Variants in SUZ12 observed in about 807,000 individuals in gnomAD.
SUZ12 encodes SUZ12 polycomb repressive complex 2 subunit.
A neutral mutation model predicts 87.3 loss-of-function variants in SUZ12; 17 were observed. The ratio of observed to expected loss-of-function variants is 0.19; its 90% CI spans 0.13 to 0.29. The LOEUF (loss-of-function observed/expected upper bound fraction) is 0.29, where lower values mean the gene tolerates loss of function less well. SUZ12 is among the 10% of genes least tolerant of loss of function. SUZ12 has a pLI of 1.00. For missense variants in SUZ12, 526 were observed against 912.2 expected, an observed-to-expected ratio of 0.58 and a Z score of 5.45; for synonymous variants, 253 against 312.4, an observed-to-expected ratio of 0.81 and a Z score of 2.01.
rs1206850998 is a variant in SUZ12 at position 31,999,050 on chromosome 17, G to T, written c.*47G>T. On this transcript the variant is annotated 3_prime_UTR_variant, in exon 16 of 16. Transcript: ENST00000322652. Reference sequence around the variant, plus strand: ...GGACAAACACTGAAATTACATTTTAGGGAATTCATCCTCTAAGAATTATGT... The same window carrying T: ...GGACAAACACTGAAATTACATTTTATGGAATTCATCCTCTAAGAATTATGT... 7.0e-7 allele frequency: 1 copy of T among 1,424,684 alleles called. No individual in the cohort carries two copies. Among genetic ancestry groups the T allele is most frequent in the South Asian group, 1.5e-5 (1 of 64,886 alleles). The allele number at this position is 1,424,684 out of a possible 1,614,324, so 88.3% of individuals were successfully genotyped here. A position where few individuals can be genotyped will look rare whatever the true frequency, so the allele number is the denominator to read the frequency against.
At chr17:31,966,108 C>G (rs764415857) in intron 4 of SUZ12, 39 bp from the exon 5 acceptor site, 1 of 1,507,690 alleles carries the variant, frequency 6.6e-7, no homozygotes, top group South Asian at 1.2e-5. Flanking sequence ...TACTACAGAG[C>G]ATTACAATGA....
Position 31,993,956 on chromosome 17 carries a change from G to C in SUZ12, c.1385G>C (p.Ser462Thr). 6.2e-7 allele frequency: 1 copy of C among 1,613,530 alleles called. No homozygotes were observed. The highest frequency in any genetic ancestry group is 8.5e-7 in the Non-Finnish European group (1 of 1,179,858). The change falls in exon 12 of 16, where the codon AGT (serine) becomes ACT (threonine). Residue 462 changes from serine to threonine, a missense_variant. By Grantham distance (58) the Ser-to-Thr change is moderately conservative (BLOSUM62 1). Around this residue, in one of 9 missense-constraint regions of SUZ12, gnomAD observed 143 missense variants for 321.6 expected, o/e 0.44. Transcript: ENST00000322652. ...ACTCTGAACTGCCGCAAACTTTATA[G>C]TTTACTCAAGCATCTTAAACTCTGC... ...WCTLNCRKLY[S>T]LLKHLKLCHS...
chr17:31,945,736 A>G (rs557119681), intron 3 of SUZ12, among the ~76,000 whole-genome samples: 1 of 152,292 alleles, frequency 6.6e-6, no homozygotes, highest in East Asian at 1.9e-4. Context: ...ATCTATTTCA[A>G]ATGGTTAATC....
intron 10 of SUZ12, among the ~76,000 whole-genome samples, chr17:31,992,372 A>G (rs765679417): frequency 2.0e-5 from 3 of 152,186 alleles, no homozygotes; most frequent in Non-Finnish European, 4.4e-5. Context: ...AGTTACTTTT[A>G]TAATTGTTTA....
At chr17:31,981,404 C>G (rs1909094618) in intron 8 of SUZ12, among the ~76,000 whole-genome samples, 1 of 152,102 alleles carries the variant, frequency 6.6e-6, no homozygotes. Context: ...ATCAGATTGA[C>G]AGAGACCAAA....
intron 6 of SUZ12, among the ~76,000 whole-genome samples, chr17:31,974,244 T>C (rs1364114278): frequency 6.6e-6 from 1 of 151,912 alleles, no homozygotes; most frequent in African/African-American, 2.4e-5. Flanking sequence ...TTAGGAAATA[T>C]CACTCCTTGC....
chr17:31,969,121 C>T (rs994289970), intron 5 of SUZ12, among the ~76,000 whole-genome samples: 3 of 151,988 alleles, frequency 2.0e-5, no homozygotes, highest in Admixed American at 6.6e-5. Flanking sequence ...GGATTACAGG[C>T]GGGTGCCACC....
intron 4 of SUZ12, among the ~76,000 whole-genome samples, chr17:31,957,776 C>T (rs929488608): frequency 4.0e-5 from 6 of 151,600 alleles, no homozygotes; most frequent in African/African-American, 1.5e-4. Flanking sequence ...GAATTCTTGA[C>T]CTCAAGTTAT....
intron 4 of SUZ12, among the ~76,000 whole-genome samples, chr17:31,964,683 C>T (rs1907983467): frequency 2.6e-5 from 4 of 152,166 alleles, no homozygotes; most frequent in South Asian, 2.1e-4. Context: ...GGATTACAGA[C>T]GTGAAGCACT....
chr17:31,988,235 C>A, intron 9 of SUZ12, 85 bp from the exon 10 acceptor site: 1 of 1,333,176 alleles, frequency 7.5e-7, no homozygotes, highest in Non-Finnish European at 1.0e-6. Context: ...TCCACATTGA[C>A]TTATAATGAA....
chr17:31,998,324 C>G (rs1156959224), intron 15 of SUZ12, among the ~76,000 whole-genome samples: 14 of 152,042 alleles, frequency 9.2e-5, no homozygotes, highest in Admixed American at 7.9e-4. Context: ...TGCGATCCAC[C>G]CACCTCGGCC....
chr17:31,997,003 A>G (rs1470830792), intron 15 of SUZ12, 126 bp downstream of exon 15: 2 of 642,840 alleles, frequency 3.1e-6, no homozygotes, highest in African/African-American at 3.8e-5. Flanking sequence ...ATTTGTCCCA[A>G]ATTTTATTCT....
At chr17:31,940,548 A>G (rs1906210885) in intron 3 of SUZ12, 62 bp downstream of exon 3, 9 of 1,501,822 alleles carry the variant, frequency 6.0e-6, no homozygotes, top group South Asian at 1.3e-5. Context: ...TTAAAGTACT[A>G]TTTCTCAAAA....
chr17:31,988,644 G>A lies in SUZ12; in HGVS notation c.1201+147G>A, dbSNP rs1909539259. 7 of 804,810 alleles carry A rather than the reference G, an allele frequency of 8.7e-6. No individual in the cohort carries two copies. The South Asian group carries it at 1.5e-4, about 17-fold the overall frequency. The allele number at this position is 804,810 out of a possible 1,614,324, so 49.9% of individuals were successfully genotyped here. A position where few individuals can be genotyped will look rare whatever the true frequency, so the allele number is the denominator to read the frequency against. On this transcript the variant is annotated intron_variant, in intron 10 of 15. Coordinates refer to ENST00000322652, the MANE Select transcript of SUZ12 (RefSeq NM_015355.4). ...GTCTTGCTCTGTTGCCCAGGCAGGA[G>A]TGCAGTAGCGTGATTTCGGCTCACT...
At chr17:31,965,087 A>G (rs1908009595) in intron 4 of SUZ12, among the ~76,000 whole-genome samples, 1 of 152,078 alleles carries the variant, frequency 6.6e-6, no homozygotes, top group Non-Finnish European at 1.5e-5. Flanking sequence ...TCTTGCCACA[A>G]TGTCTTTCTG....
rs529382027 is a variant in SUZ12, at chr17:31,978,771, G to C, written c.917+2157G>C. 2.0e-5 allele frequency among the ~76,000 whole-genome samples: 3 copies of C among 152,200 alleles called. No individual in the cohort carries two copies. In the East Asian group the frequency reaches 5.8e-4, roughly 29 times the overall value. On this transcript the variant is annotated intron_variant, in intron 8 of 15. Transcript: ENST00000322652. ...ATAATGCTTTTATTTTAAAGAAAAA[G>C]TGCCAAGAAGAAACTGGGAGAATTT...
intron 4 of SUZ12, among the ~76,000 whole-genome samples, chr17:31,952,247 G>A (rs1907032900): frequency 6.6e-6 from 1 of 151,490 alleles, no homozygotes; most frequent in Non-Finnish European, 1.5e-5. Context: ...TTTTGTAGAG[G>A]CAGGATCTTG....
chr17:31,980,618 T>A (rs1008263013), intron 8 of SUZ12, among the ~76,000 whole-genome samples: 8 of 151,810 alleles, frequency 5.3e-5, no homozygotes, highest in African/African-American at 1.9e-4. Context: ...CTGGCTAATT[T>A]TGTATTTCTA....
intron 6 of SUZ12, among the ~76,000 whole-genome samples, chr17:31,974,764 TAG>T (rs1224711503): frequency 6.6e-6 from 1 of 152,224 alleles, no homozygotes; most frequent in Non-Finnish European, 1.5e-5. Context: ...GAAATTTTTT[TAG>T]ACTGTATGTA....
Sources: allele counts gnomAD v4.1 joint callset (sites outside exome capture counted in the v4.1 genomes callset), GRCh38; gene constraint gnomAD v4.1.1; regional missense constraint gnomAD v4.1.1; transcripts MANE v1.5; gene names NCBI Gene and HGNC (gene_info 2026-07-23, HGNC 2026-07-21).